EBF1: variants seen among roughly 807,000 people sequenced by gnomAD.
EBF1 encodes the protein EBF transcription factor 1.
Under a neutral mutation model 68.4 loss-of-function variants are expected in EBF1, and 10 were observed. The observed-to-expected ratio is 0.15, with a 90% CI of 0.09 to 0.25. EBF1 has a LOEUF of 0.25. Ranked by LOEUF, EBF1 falls within the 10% of genes least tolerant of loss-of-function variation. The pLI, the probability that EBF1 is intolerant of heterozygous loss-of-function variation, is 1.00. For missense variants in EBF1, 509 were observed against 794.4 expected (o/e 0.64, Z 4.32); for synonymous variants, 298 against 299.8 (o/e 0.99, Z 0.06).
rs114718802 is a variant in EBF1 at position 159,019,842 on chromosome 5, C to G, written c.554+53554G>C. 3.6e-3 allele frequency among the ~76,000 whole-genome samples: 549 copies of G among 152,250 alleles called. 2 individuals are homozygous for G. The highest frequency in any genetic ancestry group is 0.012 in the African/African-American group (503 of 41,536). ...TGCTCCGATTGTTCTCGGTGCATCT[C>G]TGATAAGGATACGTTAACATAGGTC... On this transcript the variant is annotated intron_variant, in intron 6 of 15. Transcript: ENST00000313708.
rs374456872 is a variant in EBF1 at position 158,714,831 on chromosome 5, C to G, written c.1126-649G>C. Among the ~76,000 whole-genome samples, 7 of 152,210 alleles carry G rather than the reference C, an allele frequency of 4.6e-5. No homozygotes were observed. In the East Asian group the frequency reaches 1.4e-3, roughly 29 times the overall value. On this transcript the variant is annotated intron_variant, in intron 11 of 15. Coordinates refer to ENST00000313708, the MANE Select transcript of EBF1 (RefSeq NM_024007.5). ...CTATTTCTTTAATAGCAATTATTTG[C>G]TATTTCAGTATTGTGTGATTTCCCC...
chr5:158,874,882 T>A (rs938389132), intron 6 of EBF1, among the ~76,000 whole-genome samples: 1 of 152,194 alleles, frequency 6.6e-6, no homozygotes, highest in Non-Finnish European at 1.5e-5. Flanking sequence ...TGTATGGTGT[T>A]ATCTTCTCTA....
intron 6 of EBF1, among the ~76,000 whole-genome samples, chr5:158,903,499 G>A (rs922534498): frequency 6.6e-6 from 1 of 152,064 alleles, no homozygotes; most frequent in Non-Finnish European, 1.5e-5. Context: ...GTGCCCTCAT[G>A]CTCTGTCCTC....
chr5:158,738,802 A>G (rs1765719154), intron 10 of EBF1, among the ~76,000 whole-genome samples: 1 of 152,220 alleles, frequency 6.6e-6, no homozygotes. Context: ...TCAATTTGCC[A>G]CACATTAACA....
At chr5:158,895,397 C>T (rs1801974187) in intron 6 of EBF1, among the ~76,000 whole-genome samples, 2 of 152,118 alleles carry the variant, frequency 1.3e-5, no homozygotes, top group Admixed American at 1.3e-4. Context: ...TTTGGCTATT[C>T]TATAATAAAA....
intron 6 of EBF1, among the ~76,000 whole-genome samples, chr5:158,888,290 G>C (rs1320041320): frequency 6.6e-6 from 1 of 151,938 alleles, no homozygotes; most frequent in African/African-American, 2.4e-5. Flanking sequence ...GTGTGTGTTT[G>C]TTGTGTGTAT....
chr5:158,945,248 A>G (rs1206492458), intron 6 of EBF1, among the ~76,000 whole-genome samples: 1 of 152,168 alleles, frequency 6.6e-6, no homozygotes, highest in East Asian at 1.9e-4. Flanking sequence ...TAATTTTTGT[A>G]TAAGATGTAA....
chr5:159,088,113 A>T (rs543399559), intron 4 of EBF1, among the ~76,000 whole-genome samples: 1 of 152,258 alleles, frequency 6.6e-6, no homozygotes, highest in Admixed American at 6.5e-5. Context: ...TCAGTCAAAG[A>T]CAGATCCACC....
At chr5:158,792,637 T>A (rs1778873467) in intron 9 of EBF1, among the ~76,000 whole-genome samples, 1 of 152,306 alleles carries the variant, frequency 6.6e-6, no homozygotes, top group African/African-American at 2.4e-5. Flanking sequence ...AAAAGTCTAC[T>A]TAAAATTAGA....
At chr5:158,889,278 A>G (rs1800679260) in intron 6 of EBF1, among the ~76,000 whole-genome samples, 1 of 152,200 alleles carries the variant, frequency 6.6e-6, no homozygotes, top group East Asian at 1.9e-4. Context: ...GGATGGGGAG[A>G]CAGTACTTGC....
chr5:159,011,591 A>G (rs762779389), intron 6 of EBF1, among the ~76,000 whole-genome samples: 2 of 152,214 alleles, frequency 1.3e-5, no homozygotes, highest in Non-Finnish European at 2.9e-5. Context: ...CAGGGCTCCA[A>G]AGTTTGCTAA....
chr5:159,021,073 T>C (rs1194493291), intron 6 of EBF1, among the ~76,000 whole-genome samples: 2 of 152,246 alleles, frequency 1.3e-5, no homozygotes, highest in Non-Finnish European at 2.9e-5. Flanking sequence ...AGTTATTAAT[T>C]CATGCCATGT....
chr5:158,836,025 T>C (rs1788706823), intron 7 of EBF1, among the ~76,000 whole-genome samples: 1 of 152,168 alleles, frequency 6.6e-6, no homozygotes, highest in Non-Finnish European at 1.5e-5. Flanking sequence ...TGGAACATGC[T>C]GAATATAGAC....
intron 6 of EBF1, among the ~76,000 whole-genome samples, chr5:158,872,729 T>A (rs78493283): frequency 1.3e-5 from 2 of 152,206 alleles, no homozygotes; most frequent in Non-Finnish European, 2.9e-5. Flanking sequence ...AATGATCTTA[T>A]TTCATCTTCA....
At chr5:158,829,963 A>G (rs774477833) in intron 7 of EBF1, among the ~76,000 whole-genome samples, 5 of 152,224 alleles carry the variant, frequency 3.3e-5, no homozygotes, top group Non-Finnish European at 7.3e-5. Context: ...TCTCATCTAC[A>G]TGAGAAGCTC....
In EBF1 at chr5:158,713,021, T is replaced by C; in HGVS notation, c.1318A>G (p.Ser440Gly). The C allele has an allele frequency of 6.4e-7, 1 of 1,569,006 alleles. No individual in the cohort carries two copies. The highest frequency in any genetic ancestry group is 8.7e-7 in the Non-Finnish European group (1 of 1,154,508). ...GAGACATTCACGGCCAGTTGTCCAC[T>C]GAACGAATTCACGCCCATCATCCCT... is the stretch of plus-strand genomic sequence containing the variant. Reference protein sequence around the residue: ...HAGMMGVNSFSGQLAVNVSEA... With the variant: ...HAGMMGVNSFGGQLAVNVSEA... The change falls in exon 13 of 16, where the codon AGT (serine) becomes GGT (glycine). Residue 440 changes from serine (S) to glycine (G), a missense_variant. This residue lies in a region of EBF1 where 205 missense variants were observed against 247.4 expected (regional missense o/e 0.83). Transcript: ENST00000313708.
chr5:158,844,274 A>G (rs921224439), intron 6 of EBF1, among the ~76,000 whole-genome samples: 3 of 150,948 alleles, frequency 2.0e-5, no homozygotes, highest in Non-Finnish European at 2.9e-5. Flanking sequence ...AAATAATATC[A>G]TCTTGTGTTC....
At chr5:158,857,207 T>C (rs1048624197) in intron 6 of EBF1, among the ~76,000 whole-genome samples, 9 of 151,782 alleles carry the variant, frequency 5.9e-5, no homozygotes, top group East Asian at 2.0e-4. Flanking sequence ...GTTTTGCAAA[T>C]GCTATGGCTC....
intron 4 of EBF1, among the ~76,000 whole-genome samples, chr5:159,092,455 A>G (rs1223467564): frequency 1.3e-5 from 2 of 152,268 alleles, no homozygotes; most frequent in East Asian, 3.9e-4. Flanking sequence ...CTTTCCTGGT[A>G]GAGTCCAAAA....
Sources: allele counts gnomAD v4.1 joint callset (sites outside exome capture counted in the v4.1 genomes callset), GRCh38; gene constraint gnomAD v4.1.1; regional missense constraint gnomAD v4.1.1; transcripts MANE v1.5; gene names NCBI Gene and HGNC (gene_info 2026-07-23, HGNC 2026-07-21).